AARSD1: variants seen among roughly 807,000 people sequenced by gnomAD.
AARSD1 encodes alanyl-tRNA synthetase domain containing 1.
In AARSD1, 44 loss-of-function variants were observed where a neutral mutation model predicts 48.7. That is an observed-to-expected ratio of 0.90 (90% CI 0.71 to 1.16). The LOEUF is 1.16. Among genes scored for constraint, AARSD1 ranks in the 50% most tolerant of loss-of-function variants. The pLI, the probability that AARSD1 is intolerant of heterozygous loss-of-function variation, is 0.00. For missense variants in AARSD1, 511 were observed against 523.1 expected, an observed-to-expected ratio of 0.98 and a Z score of 0.23; for synonymous variants, 189 against 194.9, an observed-to-expected ratio of 0.97 and a Z score of 0.25.
chr17:42,956,013 A>G (rs762792740), intron 6 of AARSD1, 41 bp from the exon 7 acceptor site: 2 of 1,613,660 alleles, frequency 1.2e-6, no homozygotes, highest in African/African-American at 2.7e-5. Context: ...ACACGTGTGC[A>G]CATGCATAAA....
At position 42,954,939 on chromosome 17, in the gene AARSD1, G is replaced by A; in HGVS notation, c.890C>T (p.Ala297Val). 1.9e-6 allele frequency: 3 copies of A among 1,614,138 alleles called. No homozygotes were observed. Among genetic ancestry groups the A allele is most frequent in the African/African-American group, 2.7e-5 (2 of 75,058 alleles). ...KNNLNLLRDL[A>V]VHIAHSLRNS... ...CCTGAGGCTATGGGCAATGTGCACA[G>A]CCAGGTCTCTGAGCAGATTCAGGTT... The change falls in exon 9 of 12, where the codon GCT becomes GTT. Residue 297 changes from alanine to valine, a missense_variant. Coordinates refer to ENST00000427569, the MANE Select transcript of AARSD1 (RefSeq NM_001261434.2).
At chr17:42,954,749 G>A in intron 9 of AARSD1, 127 bp downstream of exon 9, 1 of 1,054,156 alleles carries the variant, frequency 9.5e-7, no homozygotes, top group Non-Finnish European at 1.4e-6. Flanking sequence ...ATATTTCTTA[G>A]GATCTACTCA....
In AARSD1 at chr17:42,956,281, T is replaced by G; in HGVS notation, c.586A>C (p.Ile196Leu). The change falls in exon 6 of 12, where the codon ATT (isoleucine) becomes CTT (leucine). Residue 196 changes from isoleucine to leucine, a missense_variant. Physicochemically the swap from Ile to Leu is conservative, Grantham distance 5. Coordinates refer to ENST00000427569, the MANE Select transcript of AARSD1 (RefSeq NM_001261434.2). ...ACGCCCTCGATGTTAACAACCCGAA[T>G]GGGCCCAGCATGATCATCAGGCAAA... is the stretch of plus-strand genomic sequence containing the variant. ...RGLPDDHAGP[I>L]RVVNIEGVDS... 1 of 1,613,992 alleles carries G rather than the reference T, an allele frequency of 6.2e-7. No homozygotes were observed. The highest frequency in any genetic ancestry group is 8.5e-7 in the Non-Finnish European group (1 of 1,180,012).
intron 7 of AARSD1, chr17:42,955,488 G>C: frequency 4.3e-6 from 2 of 462,442 alleles, no homozygotes; most frequent in Non-Finnish European, 7.7e-6. Flanking sequence ...GCCCAGGCTG[G>C]AGTGCAGTGG....
chr17:42,955,693 G>A (rs1266898076), intron 7 of AARSD1, 149 bp downstream of exon 7: 44 of 1,379,914 alleles, frequency 3.2e-5, no homozygotes, highest in Non-Finnish European at 4.1e-5. Context: ...CGCCCACCTC[G>A]GCCTCCCAAA....
chr17:42,957,048 T>C lies in AARSD1; in HGVS notation c.389+90A>G, dbSNP rs954029947. The C allele has an allele frequency of 1.7e-4, 242 of 1,460,252 alleles. 1 individual carries two copies. The highest frequency in any genetic ancestry group is 2.1e-4 in the Non-Finnish European group (230 of 1,074,256). 90.5% of individuals were successfully genotyped at this position (1,460,252 alleles called of 1,614,324 possible). A position where few individuals can be genotyped will look rare whatever the true frequency, so the allele number is the denominator to read the frequency against. On this transcript the variant is annotated intron_variant, in intron 4 of 11. Transcript: ENST00000427569. ...CAATCACAGCTCACCACAGCCTTAA[T>C]CTCCCCGGCTCAAGCAATTCTCCCA... is the stretch of plus-strand genomic sequence containing the variant.
intron 3 of AARSD1, 101 bp from the exon 4 acceptor site, chr17:42,957,296 T>C (rs1282375831): frequency 6.7e-7 from 1 of 1,499,634 alleles, no homozygotes; most frequent in Non-Finnish European, 9.1e-7. Flanking sequence ...AAATTCTCCT[T>C]GTTGAAGACC....
intron 10 of AARSD1, among the ~76,000 whole-genome samples, chr17:42,952,818 ACT>A (rs2049497164): frequency 6.8e-6 from 1 of 147,886 alleles, no homozygotes; most frequent in Non-Finnish European, 1.5e-5. Flanking sequence ...TCCTGTATTT[ACT>A]TTTTTTTTTT....
intron 11 of AARSD1, among the ~76,000 whole-genome samples, chr17:42,951,106 C>T (rs1334149214): frequency 6.6e-6 from 1 of 152,008 alleles, no homozygotes; most frequent in African/African-American, 2.4e-5. Context: ...TGCAGTGAGC[C>T]GAGATGGTGC....
At chr17:42,953,375 G>T (rs1186969800) in intron 10 of AARSD1, among the ~76,000 whole-genome samples, 1 of 152,160 alleles carries the variant, frequency 6.6e-6, no homozygotes, top group Non-Finnish European at 1.5e-5. Flanking sequence ...CTCCCAAAGT[G>T]CTGGGATTAC....
intron 2 of AARSD1, among the ~76,000 whole-genome samples, chr17:42,962,502 G>A (rs1052470827): frequency 1.3e-5 from 2 of 152,044 alleles, no homozygotes; most frequent in Admixed American, 6.6e-5. Flanking sequence ...TATGACGCTA[G>A]AGAACCTCAA....
At chr17:42,955,073 A>C (rs1324305750) in intron 8 of AARSD1, 85 bp downstream of exon 8, 1 of 1,611,588 alleles carries the variant, frequency 6.2e-7, no homozygotes, top group African/African-American at 1.3e-5. Flanking sequence ...GACAAACTAC[A>C]CATCTGTTTA....
intron 3 of AARSD1, among the ~76,000 whole-genome samples, chr17:42,957,760 T>G (rs546845669): frequency 2.2e-4 from 34 of 152,298 alleles, no homozygotes; most frequent in African/African-American, 8.2e-4. Flanking sequence ...TGTGAGCCAC[T>G]GTGCCCAGTG....
At chr17:42,959,426 G>C (rs2049601838) in intron 3 of AARSD1, among the ~76,000 whole-genome samples, 1 of 151,706 alleles carries the variant, frequency 6.6e-6, no homozygotes, top group Non-Finnish European at 1.5e-5. Flanking sequence ...ATGTTGGCCA[G>C]GCTGGTCTCG....
At position 42,960,046 on chromosome 17, in the gene AARSD1, G is replaced by A. The variant is rs181089368; in HGVS notation, c.331+1146C>T. Among the ~76,000 whole-genome samples the A allele has an allele frequency of 2.9e-3, 445 of 152,060 alleles. 1 individual carries two copies. The highest frequency in any genetic ancestry group is 7.9e-3 in the Admixed American group (120 of 15,266). ...AGCACATTGAGAAGCCGAGGCGGGC[G>A]GATCACGAGGTCTGGAGTTCGAGAC... is the stretch of plus-strand genomic sequence containing the variant. On this transcript the variant is annotated intron_variant, in intron 3 of 11. Coordinates refer to ENST00000427569, the MANE Select transcript of AARSD1 (RefSeq NM_001261434.2).
At chr17:42,957,278 A>G (rs2049571542) in intron 3 of AARSD1, 83 bp from the exon 4 acceptor site, 1 of 1,561,256 alleles carries the variant, frequency 6.4e-7, no homozygotes, top group Non-Finnish European at 8.7e-7. Flanking sequence ...ACAATGATAA[A>G]AGCACAGAAA....
chr17:42,956,342 G>A, intron 5 of AARSD1, 22 bp from the exon 6 acceptor site: 1 of 1,614,092 alleles, frequency 6.2e-7, no homozygotes, highest in Non-Finnish European at 8.5e-7. Flanking sequence ...GAGAGGGGAG[G>A]GACTGTCTGA....
chr17:42,955,286 A>G (rs1567715626), intron 7 of AARSD1, 62 bp from the exon 8 acceptor site: 5 of 1,597,734 alleles, frequency 3.1e-6, no homozygotes, highest in Non-Finnish European at 4.3e-6. Context: ...TGTTGGGGAC[A>G]TAAATCAATA....
chr17:42,955,354 G>T, intron 7 of AARSD1, 130 bp from the exon 8 acceptor site: 1 of 1,102,876 alleles, frequency 9.1e-7, no homozygotes, highest in Non-Finnish European at 1.3e-6. Flanking sequence ...ATTCTGAGGA[G>T]GTCTCTTAGG....
Sources: gnomAD v4.1 joint callset for allele counts (sites outside exome capture counted in the v4.1 genomes callset) on GRCh38, gnomAD v4.1.1 for gene constraint, MANE v1.5 for transcripts, NCBI Gene and HGNC (gene_info 2026-07-23, HGNC 2026-07-21) for gene names.